ATP8A1: variants seen among roughly 807,000 people sequenced by gnomAD.
ATP8A1 encodes phospholipid-transporting ATPase IA.
Under a neutral mutation model 177.7 loss-of-function variants are expected in ATP8A1, and 90 were observed. That is an observed-to-expected ratio of 0.51 (90% CI 0.43 to 0.60). The LOEUF (loss-of-function observed/expected upper bound fraction) is 0.60, where lower values mean the gene tolerates loss of function less well. Ranked by LOEUF, ATP8A1 falls within the 20% of genes least tolerant of loss-of-function variation. The probability of loss-of-function intolerance (pLI) is 0.00; values close to 1 mark genes in which losing one functional copy is unlikely to be tolerated. For synonymous variants in ATP8A1, 493 were observed against 485.9 expected (o/e 1.01, Z -0.19); for missense variants, 1,072 against 1,392.8 (o/e 0.77, Z 3.67).
intron 35 of ATP8A1, among the ~76,000 whole-genome samples, chr4:42,418,295 A>G (rs574165661): frequency 4.3e-4 from 66 of 152,312 alleles, no homozygotes; most frequent in Admixed American, 9.2e-4. Context: ...GTAATGGCCA[A>G]TGATGATATG....
chr4:42,499,215 T>C (rs891976860), intron 24 of ATP8A1, among the ~76,000 whole-genome samples: 3 of 152,144 alleles, frequency 2.0e-5, no homozygotes, highest in African/African-American at 4.8e-5. Flanking sequence ...GGAGTTAAGC[T>C]TGGGAACACT....
intron 35 of ATP8A1, among the ~76,000 whole-genome samples, chr4:42,418,735 T>C (rs1313859524): frequency 2.0e-5 from 3 of 152,212 alleles, no homozygotes; most frequent in Non-Finnish European, 4.4e-5. Context: ...ATTTAGAACA[T>C]ACTTAGATTG....
At chr4:42,483,377 G>GAAAA (rs35565389) in intron 25 of ATP8A1, among the ~76,000 whole-genome samples, 2 of 134,370 alleles carry the variant, frequency 1.5e-5, no homozygotes, top group Non-Finnish European at 3.1e-5. Flanking sequence ...TGTGACTTAA[G>GAAAA]AAAAAAAAAA....
At chr4:42,651,265 C>T (rs1029196057) in intron 1 of ATP8A1, among the ~76,000 whole-genome samples, 10 of 152,122 alleles carry the variant, frequency 6.6e-5, no homozygotes, top group Non-Finnish European at 1.0e-4. Flanking sequence ...CAGACTAATA[C>T]AGTACATTGG....
At chr4:42,449,592 C>T (rs972250635) in intron 30 of ATP8A1, among the ~76,000 whole-genome samples, 1 of 152,224 alleles carries the variant, frequency 6.6e-6, no homozygotes, top group Non-Finnish European at 1.5e-5. Context: ...CCCACTAAAA[C>T]ATTCCTTATT....
At chr4:42,532,415 G>C (rs1055371427) in intron 20 of ATP8A1, among the ~76,000 whole-genome samples, 2 of 152,080 alleles carry the variant, frequency 1.3e-5, no homozygotes, top group Non-Finnish European at 2.9e-5. Flanking sequence ...GAACCCAGAA[G>C]GTGGAGGTTG....
chr4:42,466,862 C>A (rs1235028672), intron 25 of ATP8A1, among the ~76,000 whole-genome samples: 1 of 152,148 alleles, frequency 6.6e-6, no homozygotes, highest in African/African-American at 2.4e-5. Context: ...AATGTTTAAA[C>A]CTGGACTATA....
chr4:42,641,516 A>T (rs893283448), intron 1 of ATP8A1, among the ~76,000 whole-genome samples: 34 of 147,894 alleles, frequency 2.3e-4, no homozygotes, highest in Admixed American at 2.2e-3. Flanking sequence ...TTTTTTTTTA[A>T]GACAACTATA....
chr4:42,484,336 C>A (rs1281147556), intron 25 of ATP8A1, among the ~76,000 whole-genome samples: 1 of 151,864 alleles, frequency 6.6e-6, no homozygotes. Flanking sequence ...TTAATACATA[C>A]CACAGAAAAG....
rs542894769 is a variant in ATP8A1 at position 42,625,787 on chromosome 4, A to C, written c.165-74T>G. 9 of 851,006 alleles carry C rather than the reference A, an allele frequency of 1.1e-5. No individual in the cohort carries two copies. In the Admixed American group the frequency reaches 2.5e-4, roughly 23 times the overall value. The allele number at this position is 851,006 out of a possible 1,614,324, so 52.7% of individuals were successfully genotyped here. On this transcript the variant is annotated intron_variant, in intron 2 of 36. Coordinates refer to ENST00000381668, the MANE Select transcript of ATP8A1 (RefSeq NM_006095.2). Reference sequence around the variant, plus strand: ...CCCACACTTACAAAGTTCTGTTACTAACATATAAAAAGTTAGATAAGGAAC... The same window carrying C: ...CCCACACTTACAAAGTTCTGTTACTCACATATAAAAAGTTAGATAAGGAAC...
chr4:42,600,996 A>C (rs1735192155), intron 5 of ATP8A1, among the ~76,000 whole-genome samples: 1 of 151,880 alleles, frequency 6.6e-6, no homozygotes, highest in Non-Finnish European at 1.5e-5. Context: ...ATGCAAAAAA[A>C]CAAACAGCGA....
intron 15 of ATP8A1, among the ~76,000 whole-genome samples, chr4:42,559,112 G>C (rs111911957): frequency 8.1e-4 from 123 of 152,318 alleles, no homozygotes; most frequent in African/African-American, 2.7e-3. Context: ...CTTGAGCTCT[G>C]GAGTTTGGGG....
chr4:42,604,666 T>C (rs1361323928), intron 5 of ATP8A1, among the ~76,000 whole-genome samples: 1 of 152,218 alleles, frequency 6.6e-6, no homozygotes. Flanking sequence ...CCAGAAATTC[T>C]ACTACTAGGT....
At chr4:42,570,341 G>A (rs186236350) in intron 14 of ATP8A1, among the ~76,000 whole-genome samples, 2 of 152,194 alleles carry the variant, frequency 1.3e-5, no homozygotes, top group Non-Finnish European at 2.9e-5. Context: ...TCCAAGAAAA[G>A]GAGTTGGCAT....
intron 33 of ATP8A1, among the ~76,000 whole-genome samples, chr4:42,424,272 GC>G (rs1714328568): frequency 1.3e-5 from 2 of 150,168 alleles, no homozygotes; most frequent in African/African-American, 4.9e-5. Context: ...CTTTTGGGTT[GC>G]AAAAAAAAAT....
chr4:42,623,063 G>A (rs1328230112), intron 4 of ATP8A1, among the ~76,000 whole-genome samples: 2 of 146,454 alleles, frequency 1.4e-5, no homozygotes, highest in South Asian at 2.2e-4. Flanking sequence ...CTCAAAGGAA[G>A]ACATACATGC....
chr4:42,617,356 T>C (rs1429055300), intron 4 of ATP8A1, among the ~76,000 whole-genome samples: 1 of 152,210 alleles, frequency 6.6e-6, no homozygotes, highest in Non-Finnish European at 1.5e-5. Context: ...TCAGAACTCC[T>C]TTTCAGTATA....
At chr4:42,572,190 G>C in intron 14 of ATP8A1, among the ~76,000 whole-genome samples, 1 of 152,186 alleles carries the variant, frequency 6.6e-6, no homozygotes, top group Middle Eastern at 3.2e-3. Flanking sequence ...TAAACACCTT[G>C]CTTTCTTCCA....
chr4:42,578,980 A>G (rs1425006823), intron 11 of ATP8A1, among the ~76,000 whole-genome samples: 6 of 152,112 alleles, frequency 3.9e-5, no homozygotes, highest in Non-Finnish European at 7.4e-5. Flanking sequence ...TAACTATAAA[A>G]ACAACTTGGA....
Sources: allele counts gnomAD v4.1 joint callset (sites outside exome capture counted in the v4.1 genomes callset), GRCh38; gene constraint gnomAD v4.1.1; transcripts MANE v1.5; gene names NCBI Gene and HGNC (gene_info 2026-07-23, HGNC 2026-07-21).